The following GTF2F2 variants were observed in gnomAD, a reference collection of about 807,000 sequenced individuals.
GTF2F2 encodes general transcription factor IIF subunit 2, also known as ATP-dependent helicase GTF2F2.
Under a neutral mutation model 42.2 loss-of-function variants are expected in GTF2F2, and 23 were observed. The observed-to-expected ratio is 0.55, with a 90% CI of 0.39 to 0.77. GTF2F2 has a LOEUF of 0.77. Among genes scored for constraint, GTF2F2 ranks in the 30% least tolerant of loss-of-function variants. The probability of loss-of-function intolerance (pLI) is 0.00; values close to 1 mark genes in which losing one functional copy is unlikely to be tolerated. For missense variants in GTF2F2, 261 were observed against 287.2 expected (o/e 0.91, Z 0.66); for synonymous variants, 105 against 100.8 (o/e 1.04, Z -0.25).
At chr13:45,126,461 A>T (rs1322251274) in intron 1 of GTF2F2, among the ~76,000 whole-genome samples, 1 of 152,144 alleles carries the variant, frequency 6.6e-6, no homozygotes, top group Non-Finnish European at 1.5e-5. Flanking sequence ...CATGTTAGCC[A>T]GGATGGTCTC....
At chr13:45,144,718 C>T (rs933977395) in intron 2 of GTF2F2, among the ~76,000 whole-genome samples, 1 of 151,996 alleles carries the variant, frequency 6.6e-6, no homozygotes, top group African/African-American at 2.4e-5. Flanking sequence ...TTATTTCTAG[C>T]TTTATTTCTA....
At chr13:45,149,627 G>A (rs1870381565) in intron 2 of GTF2F2, 143 bp from the exon 3 acceptor site, 4 of 707,940 alleles carry the variant, frequency 5.7e-6, no homozygotes, top group Admixed American at 3.8e-5. Context: ...GGATAGTTGT[G>A]GGGAGTCAAG....
chr13:45,143,457 A>G (rs1415335908), intron 2 of GTF2F2, among the ~76,000 whole-genome samples: 4 of 152,220 alleles, frequency 2.6e-5, no homozygotes, highest in Non-Finnish European at 5.9e-5. Context: ...AGGAGATGAT[A>G]TTAATACCTC....
chr13:45,162,455 A>G (rs772317472), intron 4 of GTF2F2, among the ~76,000 whole-genome samples: 8 of 152,232 alleles, frequency 5.3e-5, no homozygotes, highest in African/African-American at 1.9e-4. Context: ...AGGAACAAAA[A>G]TATATGAGTT....
chr13:45,145,435 A>G (rs571988424), intron 2 of GTF2F2, among the ~76,000 whole-genome samples: 2 of 152,282 alleles, frequency 1.3e-5, no homozygotes, highest in East Asian at 3.9e-4. Flanking sequence ...TTAGAAACTA[A>G]GATCTGGATA....
At chr13:45,207,323 T>C in intron 4 of GTF2F2, 101 bp from the exon 5 acceptor site, 1 of 670,590 alleles carries the variant, frequency 1.5e-6, no homozygotes, top group East Asian at 2.8e-5. Flanking sequence ...ATTTTTGATA[T>C]TAATTATATT....
At chr13:45,266,106 G>T (rs1200831072) in intron 6 of GTF2F2, among the ~76,000 whole-genome samples, 1 of 152,200 alleles carries the variant, frequency 6.6e-6, no homozygotes, top group Non-Finnish European at 1.5e-5. Context: ...TCTTCATTGT[G>T]TTAGTGCCAC....
chr13:45,282,919 TA>T (rs1295822401), intron 7 of GTF2F2, among the ~76,000 whole-genome samples: 1 of 152,190 alleles, frequency 6.6e-6, no homozygotes, highest in African/African-American at 2.4e-5. Context: ...GTGGGTGGCC[TA>T]AAAACAAATT....
intron 5 of GTF2F2, among the ~76,000 whole-genome samples, chr13:45,223,479 G>C (rs558838817): frequency 6.0e-4 from 91 of 152,130 alleles, no homozygotes; most frequent in South Asian, 1.7e-3. Context: ...AAATGCTATT[G>C]TTCACAGAAT....
At chr13:45,189,210 T>A (rs779475508) in intron 4 of GTF2F2, among the ~76,000 whole-genome samples, 2 of 152,206 alleles carry the variant, frequency 1.3e-5, no homozygotes, top group Non-Finnish European at 2.9e-5. Flanking sequence ...GCTTCATCCA[T>A]GTCCCTGCAA....
Position 45,207,498 on chromosome 13 carries a change from T to C in GTF2F2, c.379T>C (p.Leu127=). 6.2e-7 allele frequency: 1 copy of C among 1,601,854 alleles called. No individual in the cohort carries two copies. The highest frequency in any genetic ancestry group is 8.6e-7 in the Non-Finnish European group (1 of 1,168,950). ...RPAASENYMR[L]KRLQIEESSK... The stretch of plus-strand genomic sequence containing the variant: ...AGCTGCCAGTGAAAACTACATGCGA[T>C]TAAAAAGGTTGGTGTTTTGTAACTC... The change falls in exon 5 of 8, where the codon TTA becomes CTA. Residue 127 remains leucine (L), a synonymous_variant. Coordinates refer to ENST00000340473, the MANE Select transcript of GTF2F2 (RefSeq NM_004128.3).
intron 4 of GTF2F2, among the ~76,000 whole-genome samples, chr13:45,201,855 A>G (rs1420839793): frequency 6.6e-6 from 1 of 152,194 alleles, no homozygotes; most frequent in Non-Finnish European, 1.5e-5. Context: ...GAGCCATTCC[A>G]AAGCCTTTGG....
At chr13:45,126,245 CTTT>C (rs11383296) in intron 1 of GTF2F2, among the ~76,000 whole-genome samples, 1 of 100,646 alleles carries the variant, frequency 9.9e-6, no homozygotes. Flanking sequence ...GGAAGAACGA[CTTT>C]TTTTTTTTTT....
At chr13:45,146,896 G>A (rs1346635381) in intron 2 of GTF2F2, among the ~76,000 whole-genome samples, 1 of 152,160 alleles carries the variant, frequency 6.6e-6, no homozygotes, top group African/African-American at 2.4e-5. Context: ...GTATATTATA[G>A]TTGTAATGTA....
At chr13:45,179,541 A>G (rs1872046366) in intron 4 of GTF2F2, among the ~76,000 whole-genome samples, 1 of 152,188 alleles carries the variant, frequency 6.6e-6, no homozygotes, top group East Asian at 1.9e-4. Flanking sequence ...GTCCTTTGGG[A>G]TTTTAATTTT....
At chr13:45,156,700 G>T (rs1378791035) in intron 4 of GTF2F2, among the ~76,000 whole-genome samples, 1 of 152,178 alleles carries the variant, frequency 6.6e-6, no homozygotes, top group Non-Finnish European at 1.5e-5. Context: ...GAGAAGCCTA[G>T]AGTGGTTTCC....
chr13:45,183,800 T>C (rs2138159549), intron 4 of GTF2F2, among the ~76,000 whole-genome samples: 1 of 152,230 alleles, frequency 6.6e-6, no homozygotes, highest in Admixed American at 6.5e-5. Flanking sequence ...ATGCCAGACA[T>C]TTTTATGATC....
intron 5 of GTF2F2, among the ~76,000 whole-genome samples, chr13:45,213,863 AC>A (rs1474085299): frequency 6.6e-6 from 1 of 152,212 alleles, no homozygotes; most frequent in East Asian, 1.9e-4. Flanking sequence ...ACACATGTGC[AC>A]GTGTCTCTTG....
intron 4 of GTF2F2, among the ~76,000 whole-genome samples, chr13:45,202,378 C>G (rs1244493632): frequency 2.0e-5 from 3 of 152,166 alleles, no homozygotes; most frequent in Non-Finnish European, 4.4e-5. Flanking sequence ...CAGAGCGAGA[C>G]TCCATCTCAA....
Sources: allele counts gnomAD v4.1 joint callset (sites outside exome capture counted in the v4.1 genomes callset), GRCh38; gene constraint gnomAD v4.1.1; transcripts MANE v1.5; gene names NCBI Gene and HGNC (gene_info 2026-07-23, HGNC 2026-07-21).